Variants in PTPDC1 observed in about 807,000 individuals in gnomAD.
PTPDC1 encodes the protein protein tyrosine phosphatase domain-containing protein 1.
Under a neutral mutation model 75.3 loss-of-function variants are expected in PTPDC1, and 53 were observed. The observed-to-expected ratio is 0.70, with a 90% CI of 0.56 to 0.88. The LOEUF (loss-of-function observed/expected upper bound fraction) is 0.88. PTPDC1 is among the 40% of genes least tolerant of loss of function. The pLI, the probability that PTPDC1 is intolerant of heterozygous loss-of-function variation, is 0.00. For synonymous variants in PTPDC1, 349 were observed against 366.2 expected, an observed-to-expected ratio of 0.95 and a Z score of 0.54; for missense variants, 925 against 998.6, an observed-to-expected ratio of 0.93 and a Z score of 0.99.
chr9:94,102,637 T>C (rs976509364), intron 7 of PTPDC1, among the ~76,000 whole-genome samples: 1 of 152,192 alleles, frequency 6.6e-6, no homozygotes, highest in African/African-American at 2.4e-5. Flanking sequence ...TGGAGTGCAA[T>C]GGCGCGATCT....
At chr9:94,089,324 G>T (rs1395054124) in intron 4 of PTPDC1, among the ~76,000 whole-genome samples, 1 of 150,468 alleles carries the variant, frequency 6.6e-6, no homozygotes, top group Non-Finnish European at 1.5e-5. Context: ...GTGAGAATAT[G>T]CGGTGTTTGC....
intron 7 of PTPDC1, among the ~76,000 whole-genome samples, chr9:94,103,251 G>T (rs972921703): frequency 6.6e-6 from 1 of 152,228 alleles, no homozygotes; most frequent in Non-Finnish European, 1.5e-5. Flanking sequence ...AACAGGAGAT[G>T]GTGAAAAGGC....
At chr9:94,106,745 G>T (rs946780916) in intron 8 of PTPDC1, among the ~76,000 whole-genome samples, 5 of 152,170 alleles carry the variant, frequency 3.3e-5, no homozygotes, top group African/African-American at 1.2e-4. Flanking sequence ...AGCAGTGATT[G>T]TGTGACCCTG....
intron 1 of PTPDC1, among the ~76,000 whole-genome samples, chr9:94,052,291 T>A (rs1263186867): frequency 6.6e-6 from 1 of 152,174 alleles, no homozygotes; most frequent in Non-Finnish European, 1.5e-5. Flanking sequence ...TATCTTTCAG[T>A]TATTGATTCA....
At chr9:94,057,121 A>G (rs1206901562) in intron 1 of PTPDC1, among the ~76,000 whole-genome samples, 1 of 152,112 alleles carries the variant, frequency 6.6e-6, no homozygotes, top group Non-Finnish European at 1.5e-5. Context: ...TTTTGAGGCT[A>G]GAGTGCAGTG....
intron 7 of PTPDC1, among the ~76,000 whole-genome samples, chr9:94,103,609 TTAGAG>T (rs571488299): frequency 2.7e-4 from 41 of 152,376 alleles, no homozygotes; most frequent in African/African-American, 9.9e-4. Flanking sequence ...GATTATGCTC[TTAGAG>T]TAGATTTTCA....
intron 1 of PTPDC1, among the ~76,000 whole-genome samples, chr9:94,059,562 A>C (rs925753972): frequency 2.6e-5 from 4 of 152,210 alleles, no homozygotes; most frequent in Non-Finnish European, 5.9e-5. Flanking sequence ...GGCATGATGG[A>C]AAGTATGGTA....
intron 2 of PTPDC1, among the ~76,000 whole-genome samples, chr9:94,087,478 A>T (rs564940701): frequency 6.6e-6 from 1 of 152,360 alleles, no homozygotes; most frequent in East Asian, 1.9e-4. Context: ...TTTGTACAAG[A>T]AAAAGCAGAT....
At chr9:94,100,205 G>A (rs1439000061) in intron 6 of PTPDC1, 1 of 152,316 alleles carries the variant, frequency 6.6e-6, no homozygotes, top group Non-Finnish European at 1.5e-5. Flanking sequence ...ACTTGCTCAG[G>A]GTCACGTGGC....
intron 7 of PTPDC1, among the ~76,000 whole-genome samples, chr9:94,103,728 C>A (rs1827923708): frequency 1.3e-5 from 2 of 152,140 alleles, no homozygotes; most frequent in Non-Finnish European, 2.9e-5. Context: ...GGAGTCAAGT[C>A]AGTGGACACA....
At chr9:94,080,987 T>G (rs1826860149), upstream of PTPDC1, among the ~76,000 whole-genome samples, 1 of 118,920 alleles carries the variant, frequency 8.4e-6, no homozygotes, top group Non-Finnish European at 1.7e-5. Context: ...TTTTTCTTTT[T>G]CTTTTTCTTT....
chr9:94,086,536 C>G (rs1260106690), intron 2 of PTPDC1, among the ~76,000 whole-genome samples: 3 of 152,090 alleles, frequency 2.0e-5, no homozygotes, highest in Admixed American at 6.5e-5. Flanking sequence ...CTGTTATTCC[C>G]CTGAGATTCA....
chr9:94,032,373 A>G (rs958581146), intron 1 of PTPDC1, among the ~76,000 whole-genome samples: 1 of 152,120 alleles, frequency 6.6e-6, no homozygotes, highest in Non-Finnish European at 1.5e-5. Context: ...TTTAAGAACA[A>G]TTGTTCTAGT....
intron 8 of PTPDC1, among the ~76,000 whole-genome samples, chr9:94,105,142 G>T (rs576106192): frequency 3.9e-5 from 6 of 151,930 alleles, no homozygotes; most frequent in Non-Finnish European, 8.8e-5. Context: ...TTTAATATTT[G>T]TCCAGTCTCC....
chr9:94,095,722 C>A (rs1196068911), intron 5 of PTPDC1, among the ~76,000 whole-genome samples: 1 of 152,182 alleles, frequency 6.6e-6, no homozygotes, highest in African/African-American at 2.4e-5. Flanking sequence ...ACTAAATACA[C>A]TGATCTGATC....
Position 94,087,827 on chromosome 9 carries a change from G to T in PTPDC1, c.417-4G>T. 6.2e-7 allele frequency: 1 copy of T among 1,611,108 alleles called. No homozygotes were observed. Among genetic ancestry groups the T allele is most frequent in the Non-Finnish European group, 8.5e-7 (1 of 1,177,392 alleles). Reference sequence around the variant, plus strand: ...ATCTCACCAGTCCCTCCACCTATTTGCAGGGTCACTGATAATATACTGGCC... The same window carrying T: ...ATCTCACCAGTCCCTCCACCTATTTTCAGGGTCACTGATAATATACTGGCC... On this transcript the variant is annotated splice_region_variant and splice_polypyrimidine_tract_variant and intron_variant, in intron 2 of 8. Coordinates refer to ENST00000620992, the MANE Select transcript of PTPDC1 (RefSeq NM_001253829.2).
At chr9:94,051,423 G>A (rs1049873252) in intron 1 of PTPDC1, among the ~76,000 whole-genome samples, 2 of 152,136 alleles carry the variant, frequency 1.3e-5, no homozygotes, top group African/African-American at 4.8e-5. Context: ...TCCTTATTAG[G>A]TTGAGGAAAT....
intron 2 of PTPDC1, among the ~76,000 whole-genome samples, chr9:94,065,951 G>A (rs1826288932): frequency 6.6e-6 from 1 of 152,190 alleles, no homozygotes; most frequent in African/African-American, 2.4e-5. Flanking sequence ...CAACAAGTCT[G>A]AGTCAGACAA....
intron 2 of PTPDC1, among the ~76,000 whole-genome samples, chr9:94,076,615 T>C (rs1483927966): frequency 6.6e-6 from 1 of 152,170 alleles, no homozygotes; most frequent in African/African-American, 2.4e-5. Flanking sequence ...TTTGGACTCT[T>C]TTCACTTTTT....
Sources: gnomAD v4.1 joint callset for allele counts (sites outside exome capture counted in the v4.1 genomes callset) on GRCh38, gnomAD v4.1.1 for gene constraint, MANE v1.5 for transcripts, NCBI Gene and HGNC (gene_info 2026-07-23, HGNC 2026-07-21) for gene names.